The following METTL9 variants were observed in gnomAD, a reference collection of about 807,000 sequenced individuals.
The protein encoded by METTL9 is protein-L-histidine N-pros-methyltransferase.
A neutral mutation model predicts 36.0 loss-of-function variants in METTL9; 10 were observed. The observed-to-expected ratio is 0.28, with a 90% CI of 0.17 to 0.47. METTL9 has a LOEUF of 0.47. Ranked by LOEUF, METTL9 falls within the 20% of genes least tolerant of loss-of-function variation. The pLI, the probability that METTL9 is intolerant of heterozygous loss-of-function variation, is 0.99. For missense variants in METTL9, 246 were observed against 383.5 expected (o/e 0.64, Z 3.00); for synonymous variants, 175 against 149.7 (o/e 1.17, Z -1.23).
At chr16:21,628,566 T>C (rs903709713) in intron 4 of METTL9, among the ~76,000 whole-genome samples, 4 of 152,172 alleles carry the variant, frequency 2.6e-5, no homozygotes, top group Non-Finnish European at 5.9e-5. Flanking sequence ...CTGTCACAGC[T>C]CACTGCAGCC....
intron 4 of METTL9, chr16:21,646,265 T>C (rs781677670): frequency 3.9e-5 from 6 of 152,124 alleles, no homozygotes; most frequent in Non-Finnish European, 1.5e-5. Context: ...GGCTGAGGAA[T>C]TGTCATGGGT....
At chr16:21,629,198 G>A (rs1567336100) in intron 4 of METTL9, among the ~76,000 whole-genome samples, 2 of 152,006 alleles carry the variant, frequency 1.3e-5, no homozygotes, top group Non-Finnish European at 2.9e-5. Flanking sequence ...TATAGACTGC[G>A]TGTTTGTTTG....
upstream of METTL9, among the ~76,000 whole-genome samples, chr16:21,598,965 C>A (rs9935001): frequency 0.11 from 16,538 of 152,144 alleles, 3,028 homozygotes; most frequent in African/African-American, 0.38. Flanking sequence ...GGGAACGGGG[C>A]AGGCGGGTCG....
chr16:21,626,351 T>C (rs991629239), intron 4 of METTL9, among the ~76,000 whole-genome samples: 4 of 152,332 alleles, frequency 2.6e-5, no homozygotes, highest in Non-Finnish European at 5.9e-5. Context: ...TAAGGAATAA[T>C]GCCCGTTTCA....
chr16:21,619,005 T>G (rs1455657970), intron 3 of METTL9, among the ~76,000 whole-genome samples: 1 of 152,082 alleles, frequency 6.6e-6, no homozygotes, highest in Non-Finnish European at 1.5e-5. Flanking sequence ...GCCCAAAATT[T>G]TCTTTAAGGA....
upstream of METTL9, among the ~76,000 whole-genome samples, chr16:21,598,400 C>T (rs1243933236): frequency 6.6e-6 from 1 of 151,714 alleles, no homozygotes. Flanking sequence ...GATTTTGTTC[C>T]CCATCTGTGG....
intron 1 of METTL9, among the ~76,000 whole-genome samples, chr16:21,604,091 A>T (rs866881690): frequency 5.9e-5 from 9 of 152,140 alleles, no homozygotes; most frequent in Admixed American, 1.3e-4. Context: ...GGCATGAGTT[A>T]ACAATGCTTC....
At chr16:21,627,745 G>A (rs919124807) in intron 4 of METTL9, among the ~76,000 whole-genome samples, 2 of 152,096 alleles carry the variant, frequency 1.3e-5, no homozygotes, top group Non-Finnish European at 2.9e-5. Context: ...TCAGGAGATC[G>A]AGACCATCCT....
At chr16:21,598,310 C>T (rs55938993), upstream of METTL9, among the ~76,000 whole-genome samples, 256 of 147,436 alleles carry the variant, frequency 1.7e-3, 2 homozygotes, top group African/African-American at 6.2e-3. Context: ...GATCGAGCCA[C>T]TGCACTCCAG....
chr16:21,622,141 C>CTTGTTTTTTTTTTTTTTTTTTTTTTTT, intron 3 of METTL9, among the ~76,000 whole-genome samples: 1 of 34,922 alleles, frequency 2.9e-5, no homozygotes, highest in Non-Finnish European at 4.6e-5. Context: ...CATGCCTGGC[C>CTTGTTTTTTTTTTTTTTTTTTTTTTTT]TTTTTTTTTT....
At position 21,605,257 on chromosome 16, in the gene METTL9, C is replaced by CT. The variant is rs3046231; in HGVS notation, c.165+5398dup. ...GGGGTGGTAAAAATAGGCTTGCCTT[C>CT]TTTTTTTTTTTTTTTTTTTTTTTTT... On this transcript the variant is annotated intron_variant, in intron 1 of 4. Transcript: ENST00000358154. 4.4e-3 allele frequency among the ~76,000 whole-genome samples: 228 copies of CT among 51,236 alleles called. 65 individuals carry two copies. The highest frequency in any genetic ancestry group is 6.5e-3 in the Non-Finnish European group (167 of 25,860). 33.6% of individuals were successfully genotyped at this position (51,236 alleles called of 152,430 possible).
intron 3 of METTL9, 69 bp from the exon 4 acceptor site, chr16:21,624,862 A>T: frequency 7.4e-7 from 1 of 1,359,614 alleles, no homozygotes; most frequent in Non-Finnish European, 1.0e-6. Context: ...CTTTATTGTC[A>T]TCTCAGTTAT....
chr16:21,642,757 G>A (rs1167588633), intron 4 of METTL9, among the ~76,000 whole-genome samples: 1 of 152,116 alleles, frequency 6.6e-6, no homozygotes, highest in African/African-American at 2.4e-5. Flanking sequence ...ACTGCATGCA[G>A]GATACTGTAC....
At chr16:21,647,139 C>T (rs531915033) in intron 4 of METTL9, 1 of 1,614,172 alleles carries the variant, frequency 6.2e-7, no homozygotes, top group South Asian at 1.1e-5. Flanking sequence ...TGACCTCTTA[C>T]CACCAGTGTG....
At chr16:21,604,862 C>A (rs1382797510) in intron 1 of METTL9, among the ~76,000 whole-genome samples, 2 of 152,132 alleles carry the variant, frequency 1.3e-5, no homozygotes, top group African/African-American at 4.8e-5. Context: ...TTACCCATTT[C>A]TTTTGAGAAT....
At chr16:21,605,496 C>CA (rs1752158545) in intron 1 of METTL9, among the ~76,000 whole-genome samples, 1 of 151,650 alleles carries the variant, frequency 6.6e-6, no homozygotes, top group Admixed American at 6.6e-5. Context: ...CCTCCTGCCT[C>CA]AGTCTCCCAA....
intron 4 of METTL9, chr16:21,653,212 T>G (rs975030154): frequency 6.6e-6 from 1 of 152,052 alleles, no homozygotes; most frequent in African/African-American, 2.4e-5. Context: ...CTCAGCTTCC[T>G]GAGTAGCTGG....
chr16:21,639,629 T>A (rs1466394730), intron 4 of METTL9: 1 of 152,230 alleles, frequency 6.6e-6, no homozygotes, highest in Non-Finnish European at 1.5e-5. Context: ...TTTGTTTTTG[T>A]GTATAAGGTA....
chr16:21,643,731 C>A, intron 4 of METTL9: 1 of 605,342 alleles, frequency 1.7e-6, no homozygotes, highest in Non-Finnish European at 2.9e-6. Context: ...ATTTTTACAT[C>A]ATTTTTGAGA....
Sources: gnomAD v4.1 joint callset for allele counts (sites outside exome capture counted in the v4.1 genomes callset) on GRCh38, gnomAD v4.1.1 for gene constraint, MANE v1.5 for transcripts, NCBI Gene and HGNC (gene_info 2026-07-23, HGNC 2026-07-21) for gene names.